The following NRG2 variants were observed in gnomAD, a reference collection of about 807,000 sequenced individuals.
The protein encoded by NRG2 is neuregulin 2, also known as pro-neuregulin-2, membrane-bound isoform.
In NRG2, 27 loss-of-function variants were observed where a neutral mutation model predicts 73.9. That is an observed-to-expected ratio of 0.37 (90% CI 0.27 to 0.50). NRG2 has a LOEUF of 0.50. Among genes scored for constraint, NRG2 ranks in the 20% least tolerant of loss-of-function variants. The probability of loss-of-function intolerance (pLI) is 0.96; values close to 1 mark genes in which losing one functional copy is unlikely to be tolerated. For missense variants in NRG2, 1,126 were observed against 1,210.1 expected (o/e 0.93, Z 1.03); for synonymous variants, 532 against 541.0 (o/e 0.98, Z 0.23).
At position 139,852,854 on chromosome 5, in the gene NRG2, G is replaced by A. The variant is rs778112295; in HGVS notation, c.1416+50C>T. On this transcript the variant is annotated intron_variant, in intron 7 of 9. Transcript: ENST00000361474. This position sits in a 1 kb window ranked among gnomAD's most constrained non-coding sequence, Gnocchi z 4.4. The stretch of plus-strand genomic sequence containing the variant: ...CCATCCTTGCAGGGGGCATGAGAAG[G>A]CTGGCTGTCCACTGAGGGCTCAGAA... The A allele has an allele frequency of 1.2e-6, 2 of 1,609,564 alleles. No homozygotes were observed. Among genetic ancestry groups the A allele is most frequent in the Non-Finnish European group, 8.5e-7 (1 of 1,179,008 alleles).
chr5:139,886,128 C>G (rs1443273305), intron 2 of NRG2, among the ~76,000 whole-genome samples: 1 of 152,232 alleles, frequency 6.6e-6, no homozygotes, highest in African/African-American at 2.4e-5. Context: ...AGCCACAAAC[C>G]TTTGATCTAA....
At position 139,848,518 on chromosome 5, in the gene NRG2, G is replaced by A. The variant is rs1487561258; in HGVS notation, c.1952C>T (p.Pro651Leu). Residue 651 changes from proline to leucine, a missense_variant, in exon 10 of 10, where the codon CCG becomes CTG. Around this residue, in one of 3 missense-constraint regions of NRG2, gnomAD observed 402 missense variants for 357.8 expected, o/e 1.12. Coordinates refer to ENST00000361474, the MANE Select transcript of NRG2 (RefSeq NM_004883.3). ...TCCGGGTCCCGGGCCGGGGGGCGCC[G>A]GGTGCCGCAGTAACGGCTGCTGCTC... ...LAEQQPLLRH[P>L]APPGPGPGPG... The A allele has an allele frequency of 2.1e-6, 3 of 1,396,388 alleles. No individual in the cohort carries two copies. The highest frequency in any genetic ancestry group is 3.1e-5 in the African/African-American group (2 of 65,374). The allele number at this position is 1,396,388 out of a possible 1,614,324, so 86.5% of individuals were successfully genotyped here.
At chr5:140,026,081 T>C (rs1284282041) in intron 1 of NRG2, among the ~76,000 whole-genome samples, 1 of 152,012 alleles carries the variant, frequency 6.6e-6, no homozygotes, top group African/African-American at 2.4e-5. Flanking sequence ...GAAGAGGAAA[T>C]GGAAAGGCAT....
At chr5:139,898,579 C>G (rs1313338575) in intron 1 of NRG2, among the ~76,000 whole-genome samples, 1 of 152,216 alleles carries the variant, frequency 6.6e-6, no homozygotes, top group African/African-American at 2.4e-5. Context: ...TATCCCGAGG[C>G]AAAGCCTGTG....
At chr5:140,031,263 A>T (rs1263757286) in intron 1 of NRG2, among the ~76,000 whole-genome samples, 1 of 152,218 alleles carries the variant, frequency 6.6e-6, no homozygotes, top group Non-Finnish European at 1.5e-5. Flanking sequence ...GCCAGGTGGG[A>T]TGAAGTGGGA....
At chr5:139,871,894 C>T in intron 3 of NRG2, 53 bp from the exon 4 acceptor site, 1 of 1,588,080 alleles carries the variant, frequency 6.3e-7, no homozygotes, top group South Asian at 1.1e-5. Flanking sequence ...TCCCTAGGCC[C>T]CAGGAATCAT....
intron 1 of NRG2, among the ~76,000 whole-genome samples, chr5:140,040,588 C>T (rs1761837791): frequency 6.6e-6 from 1 of 152,194 alleles, no homozygotes; most frequent in African/African-American, 2.4e-5. Flanking sequence ...TCCTCAGCGG[C>T]CCAGACTAGG....
chr5:139,903,872 G>A (rs1190851416), intron 1 of NRG2, among the ~76,000 whole-genome samples: 1 of 152,234 alleles, frequency 6.6e-6, no homozygotes, highest in African/African-American at 2.4e-5. Context: ...CATGGGTAGG[G>A]GCAAGCCCGA....
intron 1 of NRG2, among the ~76,000 whole-genome samples, chr5:139,972,374 C>A (rs1362517830): frequency 6.6e-6 from 1 of 151,972 alleles, no homozygotes; most frequent in African/African-American, 2.4e-5. Context: ...AAGAAGTAGA[C>A]CAAAAAGAAA....
chr5:140,022,646 T>C (rs1195253868), intron 1 of NRG2, among the ~76,000 whole-genome samples: 3 of 152,232 alleles, frequency 2.0e-5, no homozygotes, highest in Non-Finnish European at 4.4e-5. Context: ...GGGAAAATTA[T>C]TAACCTCTTT....
At chr5:140,038,522 T>C (rs1761677160) in intron 1 of NRG2, among the ~76,000 whole-genome samples, 1 of 152,230 alleles carries the variant, frequency 6.6e-6, no homozygotes, top group Non-Finnish European at 1.5e-5. Context: ...AGGTAAAGGC[T>C]ATCATCAAAC....
chr5:139,883,896 A>G (rs1379724105), intron 2 of NRG2, among the ~76,000 whole-genome samples: 1 of 152,164 alleles, frequency 6.6e-6, no homozygotes, highest in Non-Finnish European at 1.5e-5. Flanking sequence ...GGCACACTTT[A>G]GACTCTTAGG....
intron 1 of NRG2, among the ~76,000 whole-genome samples, chr5:139,912,661 G>A (rs1442154857): frequency 6.6e-6 from 1 of 152,148 alleles, no homozygotes; most frequent in African/African-American, 2.4e-5. Flanking sequence ...GACCAAGACT[G>A]CTGGCTCTTG....
chr5:139,945,630 A>AT (rs979210924), intron 1 of NRG2, among the ~76,000 whole-genome samples: 11 of 151,720 alleles, frequency 7.3e-5, no homozygotes, highest in South Asian at 2.1e-4. Flanking sequence ...AAATTTTAGG[A>AT]TTTTTTTTCC....
At chr5:139,908,239 GT>G (rs1765366866) in intron 1 of NRG2, among the ~76,000 whole-genome samples, 1 of 152,236 alleles carries the variant, frequency 6.6e-6, no homozygotes, top group Non-Finnish European at 1.5e-5. Flanking sequence ...GTTGAGGATG[GT>G]TTTTTGAGGA....
At chr5:139,933,003 G>A (rs183488140) in intron 1 of NRG2, among the ~76,000 whole-genome samples, 29 of 152,312 alleles carry the variant, frequency 1.9e-4, no homozygotes, top group African/African-American at 5.1e-4. Flanking sequence ...GGCCGCACGC[G>A]GTGGCTCACG....
intron 1 of NRG2, among the ~76,000 whole-genome samples, chr5:140,000,315 C>T (rs1758339356): frequency 6.6e-6 from 1 of 152,250 alleles, no homozygotes; most frequent in African/African-American, 2.4e-5. Context: ...TGTGCTTGAA[C>T]TCTGGCATTT....
At chr5:140,009,875 C>A (rs940095589) in intron 1 of NRG2, among the ~76,000 whole-genome samples, 1 of 152,174 alleles carries the variant, frequency 6.6e-6, no homozygotes, top group Non-Finnish European at 1.5e-5. Flanking sequence ...CATATTACAT[C>A]ATTCCAACTA....
rs1478197681 is a variant in NRG2 at position 139,931,774 on chromosome 5, A to G, written c.701-44263T>C. On this transcript the variant is annotated intron_variant, in intron 1 of 9. Transcript: ENST00000361474. ...ATTAAAAAATCACTAGATGGGCTCA[A>G]CTGAGGATTTAAGATGGCAGAAGAA... Among the ~76,000 whole-genome samples the G allele has an allele frequency of 2.6e-5, 4 of 152,376 alleles. 1 individual carries two copies. In the South Asian group the frequency reaches 6.2e-4, roughly 24 times the overall value.
Sources: gnomAD v4.1 joint callset for allele counts (sites outside exome capture counted in the v4.1 genomes callset) on GRCh38, gnomAD v4.1.1 for gene constraint, gnomAD v4.1.1 regional missense constraint, Gnocchi (gnomAD v3.1) non-coding constraint, MANE v1.5 for transcripts, NCBI Gene and HGNC (gene_info 2026-07-23, HGNC 2026-07-21) for gene names.